The following NPAT variants were observed in gnomAD, a reference collection of about 807,000 sequenced individuals.
NPAT encodes the protein nuclear protein, coactivator of histone transcription.
In NPAT, 52 loss-of-function variants were observed where a neutral mutation model predicts 130.7. The observed-to-expected ratio is 0.40, with a 90% CI of 0.32 to 0.50. The LOEUF (loss-of-function observed/expected upper bound fraction) is 0.50, where lower values mean the gene tolerates loss of function less well. Among genes scored for constraint, NPAT ranks in the 20% least tolerant of loss-of-function variants. The pLI is 0.68. For missense variants in NPAT, 1,687 were observed against 1,662.6 expected, an observed-to-expected ratio of 1.01 and a Z score of -0.26; for synonymous variants, 580 against 584.8, an observed-to-expected ratio of 0.99 and a Z score of 0.12.
chr11:108,177,939 T>G (rs1467555255), intron 10 of NPAT, among the ~76,000 whole-genome samples: 1 of 152,164 alleles, frequency 6.6e-6, no homozygotes, highest in African/African-American at 2.4e-5. Flanking sequence ...CAGGCTGGTC[T>G]TGAACTCCTG....
At chr11:108,164,866 C>T (rs2134824634) in intron 15 of NPAT, among the ~76,000 whole-genome samples, 1 of 152,176 alleles carries the variant, frequency 6.6e-6, no homozygotes, top group South Asian at 2.1e-4. Context: ...CAAAAAATAG[C>T]TGGGCATGGT....
rs181678956 is a variant in NPAT, at chr11:108,174,912, C to T, written c.1133-1061G>A. 4.6e-5 allele frequency among the ~76,000 whole-genome samples: 7 copies of T among 152,280 alleles called. No individual in the cohort carries two copies. In the East Asian group the frequency reaches 1.3e-3, roughly 29 times the overall value. On this transcript the variant is annotated intron_variant, in intron 12 of 17. Transcript: ENST00000278612. The stretch of plus-strand genomic sequence containing the variant: ...GGGATTACAGGCATAAGCCACTGTG[C>T]CTGGCCTGGAAAAAGTGTTTCAGAA...
chr11:108,167,520 CTTACTGTA>C, intron 15 of NPAT, among the ~76,000 whole-genome samples: 1 of 152,266 alleles, frequency 6.6e-6, no homozygotes, highest in East Asian at 1.9e-4. Flanking sequence ...GCTCCATTTT[CTTACTGTA>C]TTGTCTGGAA....
intron 15 of NPAT, among the ~76,000 whole-genome samples, chr11:108,165,481 T>TTTTG (rs1555039340): frequency 6.8e-6 from 1 of 147,516 alleles, no homozygotes; most frequent in African/African-American, 2.5e-5. Context: ...TATTTTTTTT[T>TTTTG]TGTGATAGGG....
intron 10 of NPAT, among the ~76,000 whole-genome samples, chr11:108,179,014 C>T (rs1223724923): frequency 6.6e-6 from 1 of 152,144 alleles, no homozygotes; most frequent in African/African-American, 2.4e-5. Context: ...ATGGTACTGG[C>T]ATAAAGGCAA....
chr11:108,160,147 C>CAA (rs777274843), intron 17 of NPAT, among the ~76,000 whole-genome samples: 53 of 100,296 alleles, frequency 5.3e-4, no homozygotes, highest in Non-Finnish European at 8.0e-4. Flanking sequence ...GACTCTGTCT[C>CAA]AAAAAAAAAA....
At chr11:108,182,270 G>A (rs1455400121) in intron 10 of NPAT, among the ~76,000 whole-genome samples, 1 of 152,134 alleles carries the variant, frequency 6.6e-6, no homozygotes, top group Non-Finnish European at 1.5e-5. Flanking sequence ...TCATAGAATT[G>A]GTACTATTGA....
At chr11:108,178,422 TTGTG>T (rs147126073) in intron 10 of NPAT, among the ~76,000 whole-genome samples, 3 of 151,562 alleles carry the variant, frequency 2.0e-5, no homozygotes, top group African/African-American at 4.8e-5. Context: ...ATTATTATTT[TTGTG>T]TGTGTGTGTG....
At position 108,158,842 on chromosome 11, in the gene NPAT, T is replaced by G; in HGVS notation, c.*100A>C. 1.4e-6 allele frequency: 1 copy of G among 734,372 alleles called. No individual in the cohort carries two copies. Among genetic ancestry groups the G allele is most frequent in the South Asian group, 1.5e-5 (1 of 67,156 alleles). The allele number at this position is 734,372 out of a possible 1,614,324, so 45.5% of individuals were successfully genotyped here. ...AAGTGAAGTTTCAGTACAATGAAAG[T>G]GCAGGTCATGCTTTCAGATTCTGTC... On this transcript the variant is annotated 3_prime_UTR_variant, in exon 18 of 18. Transcript: ENST00000278612.
chr11:108,186,687 G>A (rs1201253826), intron 7 of NPAT, 118 bp from the exon 8 acceptor site: 2 of 844,126 alleles, frequency 2.4e-6, no homozygotes, highest in East Asian at 2.7e-5. Context: ...AGTTGTCCCT[G>A]TATCTGCAGG....
At chr11:108,196,528 A>G (rs1220088450) in intron 2 of NPAT, among the ~76,000 whole-genome samples, 3 of 152,174 alleles carry the variant, frequency 2.0e-5, no homozygotes, top group African/African-American at 7.2e-5. Flanking sequence ...GGGAGGAACT[A>G]ACACCTTAAC....
At chr11:108,179,331 A>T (rs185936328) in intron 10 of NPAT, among the ~76,000 whole-genome samples, 1 of 152,024 alleles carries the variant, frequency 6.6e-6, no homozygotes, top group Non-Finnish European at 1.5e-5. Context: ...GCAATGGCGC[A>T]ATCTCATCTC....
intron 15 of NPAT, among the ~76,000 whole-genome samples, chr11:108,165,468 A>T (rs865814358): frequency 0.015 from 1,554 of 106,248 alleles, 30 homozygotes; most frequent in African/African-American, 0.053. Flanking sequence ...ATATATATAT[A>T]TATATTTTTT....
At position 108,170,008 on chromosome 11, in the gene NPAT, C is replaced by T; in HGVS notation, c.2821G>A (p.Val941Ile). 1 of 1,613,684 alleles carries T rather than the reference C, an allele frequency of 6.2e-7. No individual in the cohort carries two copies. Among genetic ancestry groups the T allele is most frequent in the South Asian group, 1.1e-5 (1 of 91,076 alleles). ...ATCATCCCTACCATTCCTTGGAGTA[C>T]AGGCTGGACTGGAGAGGCAATTATT... ...AIIIASPVQP[V>I]LQGMVGMIPV... is the part of the protein sequence containing the mutation. Residue 941 changes from valine to isoleucine, a missense_variant, in exon 14 of 18, where the codon GTA (valine) becomes ATA (isoleucine). Transcript: ENST00000278612.
chr11:108,216,114 C>T (rs1031772651), intron 1 of NPAT, among the ~76,000 whole-genome samples: 33 of 151,842 alleles, frequency 2.2e-4, no homozygotes, highest in African/African-American at 7.5e-4. Context: ...ATTAGAATCA[C>T]CTTAAAATTA....
Position 108,173,447 on chromosome 11 carries a change from C to T in NPAT, c.1537G>A (p.Val513Ile). The change falls in exon 13 of 18, where the codon GTT (valine) becomes ATT (isoleucine). Residue 513 changes from valine (V) to isoleucine (I), a missense_variant. Transcript: ENST00000278612. ...TTGTTAGCTTCACAACCAAGTGAAA[C>T]AAATGAAGTTATTGGTATATCAGGC... Reference protein sequence around the residue: ...DQPDIPITSFVSLGCEANNEN... With the variant: ...DQPDIPITSFISLGCEANNEN... The T allele has an allele frequency of 6.2e-7, 1 of 1,614,118 alleles. No individual in the cohort carries two copies. The highest frequency in any genetic ancestry group is 8.5e-7 in the Non-Finnish European group (1 of 1,180,006).
intron 10 of NPAT, among the ~76,000 whole-genome samples, chr11:108,183,340 A>G (rs2078075115): frequency 6.6e-6 from 1 of 152,160 alleles, no homozygotes; most frequent in Non-Finnish European, 1.5e-5. Context: ...TACTGGTAGA[A>G]CTGACATAGA....
chr11:108,207,423 C>T lies in NPAT; in HGVS notation c.38-10003G>A, dbSNP rs576735831. 3.9e-5 allele frequency among the ~76,000 whole-genome samples: 6 copies of T among 152,250 alleles called. No homozygotes were observed. In the South Asian group the frequency reaches 1.2e-3, roughly 31 times the overall value. On this transcript the variant is annotated intron_variant, in intron 1 of 17. Coordinates refer to ENST00000278612, the MANE Select transcript of NPAT (RefSeq NM_002519.3). ...ACCATCTGCCTCCTGCCACCATCAACCTGACATCCAAGGTGCCCACGGTGC... is the reference window on the plus strand; with the variant it reads ...ACCATCTGCCTCCTGCCACCATCAATCTGACATCCAAGGTGCCCACGGTGC...
At chr11:108,187,973 T>C (rs555148248) in intron 7 of NPAT, 125 bp downstream of exon 7, 5 of 744,998 alleles carry the variant, frequency 6.7e-6, no homozygotes, top group Non-Finnish European at 1.2e-5. Flanking sequence ...TTTGGAATAG[T>C]TCTAATATAG....
Sources: gnomAD v4.1 joint callset for allele counts (sites outside exome capture counted in the v4.1 genomes callset) on GRCh38, gnomAD v4.1.1 for gene constraint, MANE v1.5 for transcripts, NCBI Gene and HGNC (gene_info 2026-07-23, HGNC 2026-07-21) for gene names.